MMP16: variants seen among roughly 807,000 people sequenced by gnomAD.
MMP16 encodes matrix metallopeptidase 16.
In MMP16, 12 loss-of-function variants were observed where a neutral mutation model predicts 67.8. The observed-to-expected ratio is 0.18, with a 90% CI of 0.11 to 0.29. The LOEUF (loss-of-function observed/expected upper bound fraction) is 0.29, where lower values mean the gene tolerates loss of function less well. Ranked by LOEUF, MMP16 falls within the 10% of genes least tolerant of loss-of-function variation. The pLI, the probability that MMP16 is intolerant of heterozygous loss-of-function variation, is 1.00. For missense variants in MMP16, 475 were observed against 765.7 expected, an observed-to-expected ratio of 0.62 and a Z score of 4.48; for synonymous variants, 249 against 255.9, an observed-to-expected ratio of 0.97 and a Z score of 0.26.
chr8:88,132,110 A>G (rs1282400960), intron 4 of MMP16, among the ~76,000 whole-genome samples: 1 of 151,870 alleles, frequency 6.6e-6, no homozygotes, highest in Non-Finnish European at 1.5e-5. Context: ...ACCAAAATCT[A>G]TTTTAGCTGT....
At chr8:88,089,318 T>C (rs1453603474) in intron 6 of MMP16, among the ~76,000 whole-genome samples, 1 of 151,996 alleles carries the variant, frequency 6.6e-6, no homozygotes, top group Non-Finnish European at 1.5e-5. Context: ...AAGCACAAAA[T>C]AATCTATGCT....
At chr8:88,112,511 C>G (rs1809353777) in intron 6 of MMP16, among the ~76,000 whole-genome samples, 1 of 151,668 alleles carries the variant, frequency 6.6e-6, no homozygotes, top group Admixed American at 6.6e-5. Context: ...ATCACCTTTT[C>G]TAGGATAAGG....
rs552272455 is a variant in MMP16, at chr8:88,212,511, A to T, written c.133-15205T>A. Among the ~76,000 whole-genome samples the T allele has an allele frequency of 1.4e-4, 22 of 152,284 alleles. No homozygotes were observed. The East Asian group carries it at 4.2e-3, about 29-fold the overall frequency. On this transcript the variant is annotated intron_variant, in intron 1 of 9. Transcript: ENST00000286614. ...TATTTCCAAAATATCTAAAGAACATATGACAAATTTAGGTAACAGATTTGT... is the reference window on the plus strand; with the variant it reads ...TATTTCCAAAATATCTAAAGAACATTTGACAAATTTAGGTAACAGATTTGT...
At chr8:88,075,169 C>A (rs1808626640) in intron 6 of MMP16, among the ~76,000 whole-genome samples, 1 of 152,134 alleles carries the variant, frequency 6.6e-6, no homozygotes, top group African/African-American at 2.4e-5. Flanking sequence ...AGAGTCCACA[C>A]CTGTCTGTAC....
chr8:88,218,990 G>A (rs1411777764), intron 1 of MMP16, among the ~76,000 whole-genome samples: 1 of 151,848 alleles, frequency 6.6e-6, no homozygotes, highest in Admixed American at 6.6e-5. Flanking sequence ...AGGATCTCAG[G>A]GATTAGAGCA....
intron 1 of MMP16, among the ~76,000 whole-genome samples, chr8:88,230,403 T>C (rs763726407): frequency 6.6e-6 from 1 of 152,108 alleles, no homozygotes; most frequent in African/African-American, 2.4e-5. Flanking sequence ...AGATCTTTAG[T>C]GGGAAGGTAA....
chr8:88,256,300 A>G (rs112830581), intron 1 of MMP16, among the ~76,000 whole-genome samples: 5,534 of 152,272 alleles, frequency 0.036, 158 homozygotes, highest in Middle Eastern at 0.065. Flanking sequence ...TGTGTCTAAT[A>G]AGAATCAATC....
intron 4 of MMP16, among the ~76,000 whole-genome samples, chr8:88,124,534 A>T (rs1156780298): frequency 6.6e-6 from 1 of 151,916 alleles, no homozygotes; most frequent in Non-Finnish European, 1.5e-5. Context: ...CCGTAGCCCT[A>T]AACATCTTTT....
intron 1 of MMP16, among the ~76,000 whole-genome samples, chr8:88,299,427 G>A (rs1424184117): frequency 6.6e-6 from 1 of 152,064 alleles, no homozygotes; most frequent in Non-Finnish European, 1.5e-5. Flanking sequence ...GAAAAGGAAA[G>A]GACCATAGGA....
At chr8:88,101,514 G>C (rs536658415) in intron 6 of MMP16, among the ~76,000 whole-genome samples, 2 of 151,940 alleles carry the variant, frequency 1.3e-5, no homozygotes, top group African/African-American at 4.8e-5. Flanking sequence ...TCTTATATCA[G>C]CTCCTTTGGG....
At chr8:88,188,493 G>T (rs1809114432) in intron 2 of MMP16, among the ~76,000 whole-genome samples, 1 of 152,084 alleles carries the variant, frequency 6.6e-6, no homozygotes, top group Non-Finnish European at 1.5e-5. Context: ...TGAAACAACA[G>T]AATTAACTAT....
chr8:88,110,172 A>G lies in MMP16; in HGVS notation c.1083+6335T>C, dbSNP rs138463076. Among the ~76,000 whole-genome samples, 377 of 151,430 alleles carry G rather than the reference A, an allele frequency of 2.5e-3. 2 individuals carry two copies. The highest frequency in any genetic ancestry group is 8.4e-3 in the African/African-American group (348 of 41,468). ...CCAAATATATGCTCAAAATATTTAA[A>G]CTCACCCAAAAACAAAGTGACTGAG... On this transcript the variant is annotated intron_variant, in intron 6 of 9. Transcript: ENST00000286614.
intron 1 of MMP16, among the ~76,000 whole-genome samples, chr8:88,206,496 G>T (rs1251544920): frequency 1.3e-5 from 2 of 152,180 alleles, no homozygotes; most frequent in African/African-American, 4.8e-5. Context: ...CAGTCAGAGT[G>T]AGGGAGGGTG....
chr8:88,081,236 G>T (rs1457493510), intron 6 of MMP16, among the ~76,000 whole-genome samples: 1 of 152,156 alleles, frequency 6.6e-6, no homozygotes, highest in African/African-American at 2.4e-5. Flanking sequence ...GGGAGCTTCA[G>T]TTGGAGTTCA....
At chr8:88,255,016 A>G (rs2129933907) in intron 1 of MMP16, among the ~76,000 whole-genome samples, 1 of 152,298 alleles carries the variant, frequency 6.6e-6, no homozygotes, top group South Asian at 2.1e-4. Context: ...TTATTATTTA[A>G]AAAACATGGG....
At chr8:88,225,741 T>A (rs1809759032) in intron 1 of MMP16, among the ~76,000 whole-genome samples, 1 of 151,858 alleles carries the variant, frequency 6.6e-6, no homozygotes, top group Non-Finnish European at 1.5e-5. Context: ...CAAATTGCCT[T>A]CTAGAAAAGG....
chr8:88,126,357 C>T (rs1249289557), intron 4 of MMP16, among the ~76,000 whole-genome samples: 2 of 151,768 alleles, frequency 1.3e-5, no homozygotes, highest in African/African-American at 4.8e-5. Context: ...ACAACTTCTT[C>T]CCCAAAACAT....
At chr8:88,257,003 CAAT>C (rs999247644) in intron 1 of MMP16, among the ~76,000 whole-genome samples, 37 of 152,270 alleles carry the variant, frequency 2.4e-4, no homozygotes, top group African/African-American at 7.2e-4. Context: ...GCTCTCCATA[CAAT>C]AATGTCTTTT....
intron 4 of MMP16, among the ~76,000 whole-genome samples, chr8:88,158,098 T>A (rs1444659719): frequency 1.3e-5 from 2 of 152,134 alleles, no homozygotes; most frequent in Admixed American, 1.3e-4. Context: ...TGGTTCCAAG[T>A]CTTTGCTATT....
Sources: allele counts gnomAD v4.1 joint callset (sites outside exome capture counted in the v4.1 genomes callset), GRCh38; gene constraint gnomAD v4.1.1; transcripts MANE v1.5; gene names NCBI Gene and HGNC (gene_info 2026-07-23, HGNC 2026-07-21).